Variants in MAGI1 observed in about 807,000 individuals in gnomAD.
MAGI1 encodes membrane-associated guanylate kinase, WW and PDZ domain-containing protein 1.
MAGI1 carries 58 observed loss-of-function variants against 139.9 expected under a neutral mutation model. That is an observed-to-expected ratio of 0.41 (90% confidence interval 0.34 to 0.52). The LOEUF is 0.52. Ranked by LOEUF, MAGI1 falls within the 20% of genes least tolerant of loss-of-function variation. The pLI, the probability that MAGI1 is intolerant of heterozygous loss-of-function variation, is 0.12. For missense variants in MAGI1, 1,874 were observed against 1,901.6 expected, an observed-to-expected ratio of 0.99 and a Z score of 0.27; for synonymous variants, 812 against 737.9, an observed-to-expected ratio of 1.10 and a Z score of -1.63.
intron 2 of MAGI1, among the ~76,000 whole-genome samples, chr3:65,539,185 G>A (rs2079094538): frequency 6.6e-6 from 1 of 151,544 alleles, no homozygotes; most frequent in African/African-American, 2.4e-5. Flanking sequence ...CCATCAAACA[G>A]GCACATGTAC....
intron 1 of MAGI1, chr3:66,003,788 G>A (rs905771417): frequency 1.8e-4 from 28 of 152,002 alleles, no homozygotes; most frequent in African/African-American, 6.3e-4. Flanking sequence ...TGTTTTTAAG[G>A]GTAACTTGGT....
chr3:65,837,985 T>C (rs769469158), intron 1 of MAGI1, among the ~76,000 whole-genome samples: 6 of 152,204 alleles, frequency 3.9e-5, no homozygotes, highest in Non-Finnish European at 7.3e-5. Context: ...TTCACCCAGA[T>C]TCCCCCATAG....
intron 2 of MAGI1, among the ~76,000 whole-genome samples, chr3:65,567,867 T>C (rs1413070364): frequency 2.0e-5 from 3 of 152,010 alleles, no homozygotes; most frequent in African/African-American, 7.2e-5. Flanking sequence ...AAAGGGAAGC[T>C]CATGCAATCT....
chr3:65,773,813 G>C (rs545480006), intron 1 of MAGI1, among the ~76,000 whole-genome samples: 52 of 152,192 alleles, frequency 3.4e-4, no homozygotes, highest in Non-Finnish European at 6.6e-4. Context: ...AATCATACTT[G>C]AGTCTTTCAT....
chr3:65,645,786 G>A (rs2085225974), intron 1 of MAGI1, among the ~76,000 whole-genome samples: 1 of 151,874 alleles, frequency 6.6e-6, no homozygotes, highest in Admixed American at 6.6e-5. Context: ...CAGCCAAACT[G>A]GTAAAATGAC....
intron 1 of MAGI1, among the ~76,000 whole-genome samples, chr3:65,752,783 C>G (rs1446452577): frequency 6.6e-6 from 1 of 152,154 alleles, no homozygotes; most frequent in Admixed American, 6.5e-5. Flanking sequence ...TATCCCACCC[C>G]GACTTCAATC....
chr3:65,816,173 G>C (rs1021383919), intron 1 of MAGI1, among the ~76,000 whole-genome samples: 3 of 151,884 alleles, frequency 2.0e-5, no homozygotes, highest in Admixed American at 1.3e-4. Flanking sequence ...TTAATGTAGA[G>C]TCATGGTTGG....
intron 2 of MAGI1, among the ~76,000 whole-genome samples, chr3:65,508,108 T>C (rs1291034909): frequency 6.6e-6 from 1 of 152,102 alleles, no homozygotes; most frequent in Non-Finnish European, 1.5e-5. Context: ...GGCCAATTTT[T>C]AAAAAATAAA....
chr3:65,530,776 C>CGTATATATATAT (rs1576210107), intron 2 of MAGI1, among the ~76,000 whole-genome samples: 6 of 69,072 alleles, frequency 8.7e-5, no homozygotes, highest in African/African-American at 4.5e-4. Flanking sequence ...TATATATACA[C>CGTATATATATAT]ACATATATAT....
chr3:65,467,485 A>G (rs1950244818), intron 5 of MAGI1, among the ~76,000 whole-genome samples: 1 of 152,222 alleles, frequency 6.6e-6, no homozygotes, highest in Non-Finnish European at 1.5e-5. Context: ...TATATATGAA[A>G]TTTGATAGTT....
At chr3:65,848,197 A>C (rs1351926162) in intron 1 of MAGI1, among the ~76,000 whole-genome samples, 7 of 152,262 alleles carry the variant, frequency 4.6e-5, no homozygotes, top group Non-Finnish European at 8.8e-5. Context: ...TTACTGGAAG[A>C]ATGGTGAACA....
At chr3:66,037,854 T>C in intron 1 of MAGI1, 142 bp downstream of exon 1, 1 of 1,411,730 alleles carries the variant, frequency 7.1e-7, no homozygotes, top group South Asian at 1.4e-5. Flanking sequence ...ACTTTGTGTA[T>C]TTCACCGCCA....
chr3:65,420,328 GA>G (rs1165839517), intron 12 of MAGI1, among the ~76,000 whole-genome samples: 1 of 151,814 alleles, frequency 6.6e-6, no homozygotes, highest in Non-Finnish European at 1.5e-5. Context: ...CTTCCTGCTG[GA>G]ATACCGTTTC....
Position 65,858,926 on chromosome 3 carries a change from A to T in MAGI1, c.313+179070T>A, listed in dbSNP as rs748799952. On this transcript the variant is annotated intron_variant, in intron 1 of 22. Transcript: ENST00000402939. ...AACACCACGTTTCTCTGTATCCACCATAAGTATAATTGGAGCTGTCAAACT... is the reference window on the plus strand; with the variant it reads ...AACACCACGTTTCTCTGTATCCACCTTAAGTATAATTGGAGCTGTCAAACT... Among the ~76,000 whole-genome samples, 4 of 152,182 alleles carry T rather than the reference A, an allele frequency of 2.6e-5. No individual in the cohort carries two copies. The South Asian group carries it at 8.3e-4, about 32-fold the overall frequency.
intron 1 of MAGI1, among the ~76,000 whole-genome samples, chr3:65,692,586 G>A (rs935081243): frequency 1.3e-5 from 2 of 152,250 alleles, no homozygotes; most frequent in African/African-American, 4.8e-5. Flanking sequence ...TAGATAAGGA[G>A]GCTGCTATGG....
chr3:65,502,168 A>T (rs531689567), intron 2 of MAGI1, among the ~76,000 whole-genome samples: 5 of 152,304 alleles, frequency 3.3e-5, no homozygotes, highest in South Asian at 2.1e-4. Context: ...ATAATTTTTT[A>T]AAAAAGGAAA....
intron 1 of MAGI1, among the ~76,000 whole-genome samples, chr3:65,861,308 T>TC (rs1277444365): frequency 6.6e-6 from 1 of 152,144 alleles, no homozygotes; most frequent in East Asian, 1.9e-4. Context: ...TTATACCAGG[T>TC]GAGTACTCTC....
chr3:65,733,026 GT>G, intron 1 of MAGI1, among the ~76,000 whole-genome samples: 1 of 152,044 alleles, frequency 6.6e-6, no homozygotes, highest in Non-Finnish European at 1.5e-5. Context: ...AAGATCACTT[GT>G]TTTTTCTGTC....
At chr3:66,002,167 TA>T (rs1358466669) in intron 1 of MAGI1, among the ~76,000 whole-genome samples, 3 of 152,192 alleles carry the variant, frequency 2.0e-5, no homozygotes, top group Non-Finnish European at 2.9e-5. Flanking sequence ...CTTCAATATT[TA>T]GCTTAGAAAT....
Sources: gnomAD v4.1 joint callset for allele counts (sites outside exome capture counted in the v4.1 genomes callset) on GRCh38, gnomAD v4.1.1 for gene constraint, MANE v1.5 for transcripts, NCBI Gene and HGNC (gene_info 2026-07-23, HGNC 2026-07-21) for gene names.